Variants in LYPD6 observed in about 807,000 individuals in gnomAD.
LYPD6 encodes ly6/PLAUR domain-containing protein 6.
A neutral mutation model predicts 22.7 loss-of-function variants in LYPD6; 15 were observed. The observed-to-expected ratio is 0.66, with a 90% CI of 0.44 to 1.02. The LOEUF (loss-of-function observed/expected upper bound fraction) is 1.02, where lower values mean the gene tolerates loss of function less well. Ranked by LOEUF, LYPD6 falls within the 50% of genes least tolerant of loss-of-function variation. The pLI is 0.00. For synonymous variants in LYPD6, 72 were observed against 77.5 expected, an observed-to-expected ratio of 0.93 and a Z score of 0.37; for missense variants, 189 against 208.4, an observed-to-expected ratio of 0.91 and a Z score of 0.57.
chr2:149,457,802 A>G (rs545891758), intron 3 of LYPD6, among the ~76,000 whole-genome samples: 1 of 152,314 alleles, frequency 6.6e-6, no homozygotes, highest in African/African-American at 2.4e-5. Flanking sequence ...AAGCAAACCA[A>G]AGACATGAAG....
chr2:149,339,808 G>A (rs1056489393), intron 1 of LYPD6, among the ~76,000 whole-genome samples: 2 of 152,094 alleles, frequency 1.3e-5, no homozygotes, highest in Non-Finnish European at 2.9e-5. Flanking sequence ...ATTAAAAATA[G>A]GTTCAAAAGT....
chr2:149,468,912 G>T, intron 4 of LYPD6, 137 bp downstream of exon 4: 1 of 849,062 alleles, frequency 1.2e-6, no homozygotes, highest in South Asian at 1.7e-5. Context: ...ATGAAAAGAC[G>T]CTTCCTTTCC....
chr2:149,370,712 G>A (rs1681789379), intron 1 of LYPD6: 1 of 152,114 alleles, frequency 6.6e-6, no homozygotes, highest in Non-Finnish European at 1.5e-5. Flanking sequence ...TCCTAAGTAA[G>A]TTCAAGAACA....
intron 1 of LYPD6, among the ~76,000 whole-genome samples, chr2:149,378,112 A>G (rs1437246539): frequency 6.6e-6 from 1 of 152,040 alleles, no homozygotes; most frequent in Non-Finnish European, 1.5e-5. Context: ...GGGAGTATCT[A>G]TGATTAATAA....
chr2:149,410,789 CA>C (rs1412356342), intron 1 of LYPD6, among the ~76,000 whole-genome samples: 3 of 152,152 alleles, frequency 2.0e-5, no homozygotes, highest in South Asian at 2.1e-4. Context: ...TAAGCCCTAT[CA>C]GGGGCAGGTG....
At position 149,472,109 on chromosome 2, in the gene LYPD6, T is replaced by G. The variant is rs1287403014; in HGVS notation, c.*1259T>G. 3 of 152,274 alleles carry G rather than the reference T, an allele frequency of 2.0e-5. No individual in the cohort carries two copies. The highest frequency in any genetic ancestry group is 7.2e-5 in the African/African-American group (3 of 41,458). 9.4% of individuals were successfully genotyped at this position (152,274 alleles called of 1,614,324 possible). On this transcript the variant is annotated 3_prime_UTR_variant, in exon 5 of 5. Transcript: ENST00000334166. ...TTCCTTGTAAATAATTTAAACAGTATTTATTTTTGTAAGGCATAACTAGAA... is the reference window on the plus strand; with the variant it reads ...TTCCTTGTAAATAATTTAAACAGTAGTTATTTTTGTAAGGCATAACTAGAA...
At chr2:149,331,132 A>G (rs895715082) in intron 1 of LYPD6, among the ~76,000 whole-genome samples, 2 of 152,070 alleles carry the variant, frequency 1.3e-5, no homozygotes, top group African/African-American at 4.8e-5. Flanking sequence ...AGCACCCCAC[A>G]TGTTGCTGCG....
intron 1 of LYPD6, among the ~76,000 whole-genome samples, chr2:149,404,060 T>G (rs898437835): frequency 4.1e-4 from 62 of 152,292 alleles, no homozygotes; most frequent in Non-Finnish European, 7.6e-4. Context: ...CGCCATTATT[T>G]CTGAAGGCTC....
At chr2:149,354,492 C>A (rs1681415414) in intron 1 of LYPD6, among the ~76,000 whole-genome samples, 1 of 152,126 alleles carries the variant, frequency 6.6e-6, no homozygotes, top group Non-Finnish European at 1.5e-5. Context: ...AGGCATGAAC[C>A]ACCGCACCTG....
chr2:149,468,132 A>AC (rs1681243964), intron 3 of LYPD6, among the ~76,000 whole-genome samples: 9 of 114,662 alleles, frequency 7.8e-5, no homozygotes, highest in Non-Finnish European at 1.3e-4. Context: ...GCTTCCCCCC[A>AC]ACACACACAC....
At chr2:149,413,181 C>T (rs558974360) in intron 1 of LYPD6, among the ~76,000 whole-genome samples, 40 of 152,268 alleles carry the variant, frequency 2.6e-4, no homozygotes, top group African/African-American at 7.9e-4. Flanking sequence ...GAGTCCCGAA[C>T]TGGGTCCTCC....
intron 1 of LYPD6, among the ~76,000 whole-genome samples, chr2:149,424,018 C>T (rs898987043): frequency 2.6e-5 from 4 of 152,150 alleles, no homozygotes; most frequent in Non-Finnish European, 4.4e-5. Context: ...GAAGATTTCC[C>T]CGAAAGATGC....
chr2:149,466,541 G>A (rs537382003), intron 3 of LYPD6, among the ~76,000 whole-genome samples: 26 of 152,234 alleles, frequency 1.7e-4, no homozygotes, highest in African/African-American at 6.0e-4. Flanking sequence ...GGTTTTGCAT[G>A]TGTTCCTGAA....
At chr2:149,363,507 T>C (rs1411126323) in intron 1 of LYPD6, among the ~76,000 whole-genome samples, 1 of 152,200 alleles carries the variant, frequency 6.6e-6, no homozygotes, top group South Asian at 2.1e-4. Flanking sequence ...TGTTCTCATG[T>C]CACATATATG....
chr2:149,405,557 A>G (rs1682682243), intron 1 of LYPD6, among the ~76,000 whole-genome samples: 1 of 152,046 alleles, frequency 6.6e-6, no homozygotes, highest in Admixed American at 6.6e-5. Context: ...GGTAGTTTGT[A>G]TTTCTGTGGG....
intron 1 of LYPD6, among the ~76,000 whole-genome samples, chr2:149,388,568 A>T (rs973197039): frequency 6.6e-6 from 1 of 151,924 alleles, no homozygotes; most frequent in African/African-American, 2.4e-5. Flanking sequence ...TGTCAGGAGA[A>T]CATGTCTGGG....
intron 1 of LYPD6, among the ~76,000 whole-genome samples, chr2:149,379,957 C>T (rs956325923): frequency 1.3e-5 from 2 of 150,880 alleles, no homozygotes; most frequent in African/African-American, 5.0e-5. Flanking sequence ...TAGAGAACTC[C>T]CTCGAAACAG....
chr2:149,376,274 C>T (rs1043567352), intron 1 of LYPD6, among the ~76,000 whole-genome samples: 2 of 152,156 alleles, frequency 1.3e-5, no homozygotes, highest in Non-Finnish European at 2.9e-5. Flanking sequence ...GATTGAAGAG[C>T]TTTCTGGTGG....
At chr2:149,419,237 C>T (rs768628133) in intron 1 of LYPD6, among the ~76,000 whole-genome samples, 5 of 152,154 alleles carry the variant, frequency 3.3e-5, no homozygotes, top group Admixed American at 6.5e-5. Flanking sequence ...TTTTACTGGG[C>T]TCTAATGATC....
Sources: gnomAD v4.1 joint callset for allele counts (sites outside exome capture counted in the v4.1 genomes callset) on GRCh38, gnomAD v4.1.1 for gene constraint, MANE v1.5 for transcripts, NCBI Gene and HGNC (gene_info 2026-07-23, HGNC 2026-07-21) for gene names.